The following ELOVL6 variants were observed in gnomAD, a reference collection of about 807,000 sequenced individuals.
ELOVL6 encodes very long chain fatty acid elongase 6.
A neutral mutation model predicts 31.7 loss-of-function variants in ELOVL6; 8 were observed. That is an observed-to-expected ratio of 0.25 (90% CI 0.15 to 0.45). The LOEUF (loss-of-function observed/expected upper bound fraction) is 0.45. ELOVL6 is among the 20% of genes least tolerant of loss of function. The pLI is 1.00. For missense variants in ELOVL6, 126 were observed against 326.4 expected (o/e 0.39, Z 4.73); for synonymous variants, 101 against 117.7 (o/e 0.86, Z 0.92).
At position 110,049,802 on chromosome 4, in the gene ELOVL6, A is replaced by G. The variant is rs1372486284; in HGVS notation, c.*1536T>C. 6.6e-6 allele frequency: 1 copy of G among 151,232 alleles called. No homozygotes were observed. The highest frequency in any genetic ancestry group is 2.4e-5 in the African/African-American group (1 of 40,832). The allele number at this position is 151,232 out of a possible 1,614,324, so 9.4% of individuals were successfully genotyped here. On this transcript the variant is annotated 3_prime_UTR_variant, in exon 4 of 4. Transcript: ENST00000302274. ...ATTATGTCACATTGAACAACTTTAC[A>G]TAATTGCTTCTTTGAAATACTAGAA...
chr4:110,100,136 CTGGCCATATTTATAA>C (rs33983780), intron 2 of ELOVL6, among the ~76,000 whole-genome samples: 26,463 of 152,026 alleles, frequency 0.17, 2,882 homozygotes, highest in East Asian at 0.42. Context: ...TGCCATCATA[CTGGCCATATTTATAA>C]AGATTAATTG....
At chr4:110,086,482 C>T (rs940456000) in intron 2 of ELOVL6, among the ~76,000 whole-genome samples, 4 of 152,172 alleles carry the variant, frequency 2.6e-5, no homozygotes, top group African/African-American at 4.8e-5. Flanking sequence ...CAACTTGTTT[C>T]GTACATTTAT....
intron 1 of ELOVL6, among the ~76,000 whole-genome samples, chr4:110,196,362 A>T (rs115434400): frequency 0.036 from 5,441 of 152,262 alleles, 129 homozygotes; most frequent in Middle Eastern, 0.068. Context: ...ACATGTGCGG[A>T]GAAGACCCGG....
At chr4:110,126,384 G>A (rs972414009) in intron 1 of ELOVL6, among the ~76,000 whole-genome samples, 2 of 152,084 alleles carry the variant, frequency 1.3e-5, no homozygotes, top group Admixed American at 6.6e-5. Context: ...TAAAACAAGG[G>A]AGAGGGGCAA....
At chr4:110,130,181 C>T (rs1448628105) in intron 1 of ELOVL6, among the ~76,000 whole-genome samples, 1 of 152,058 alleles carries the variant, frequency 6.6e-6, no homozygotes, top group Non-Finnish European at 1.5e-5. Flanking sequence ...TAGGCATGAG[C>T]CACCGCGCCT....
intron 1 of ELOVL6, among the ~76,000 whole-genome samples, chr4:110,195,885 G>A (rs940278085): frequency 4.6e-5 from 7 of 152,114 alleles, no homozygotes; most frequent in Admixed American, 2.0e-4. Context: ...AAGAGCTGAT[G>A]GTCTGTAAGT....
intron 1 of ELOVL6, among the ~76,000 whole-genome samples, chr4:110,155,329 T>G: frequency 6.6e-6 from 1 of 152,066 alleles, no homozygotes; most frequent in East Asian, 1.9e-4. Context: ...TATTACATAT[T>G]ATATAGTTAT....
intron 1 of ELOVL6, among the ~76,000 whole-genome samples, chr4:110,192,378 G>C (rs1173608527): frequency 6.6e-6 from 1 of 151,902 alleles, no homozygotes; most frequent in African/African-American, 2.4e-5. Flanking sequence ...CCTCACTAAA[G>C]GAAAAACAAC....
Position 110,198,463 on chromosome 4 carries a change from G to T in ELOVL6, c.-128C>A, listed in dbSNP as rs1456615988. 5.1e-6 allele frequency: 3 copies of T among 590,500 alleles called. No homozygotes were observed. The highest frequency in any genetic ancestry group is 2.2e-5 in the African/African-American group (1 of 45,474). The allele number at this position is 590,500 out of a possible 1,614,324, so 36.6% of individuals were successfully genotyped here. ...CCCCTAGGTCTTCCCCACGCCGCTCGGTCTCCAGCGGTCGTCTCTTCTCCC... is the reference window on the plus strand; with the variant it reads ...CCCCTAGGTCTTCCCCACGCCGCTCTGTCTCCAGCGGTCGTCTCTTCTCCC... On this transcript the variant is annotated 5_prime_UTR_variant, in exon 1 of 4. Coordinates refer to ENST00000302274, the MANE Select transcript of ELOVL6 (RefSeq NM_024090.3).
rs544037740 is a variant in ELOVL6, at chr4:110,155,219, T to G, written c.89+43028A>C. Among the ~76,000 whole-genome samples the G allele has an allele frequency of 2.0e-4, 30 of 152,264 alleles. No homozygotes were observed. The South Asian group carries it at 5.0e-3, about 25-fold the overall frequency. ...CACATAGACCAAAACTTTTACTTCTTAAAAGTTTTTCAATTATAAATTATT... is the reference window on the plus strand; with the variant it reads ...CACATAGACCAAAACTTTTACTTCTGAAAAGTTTTTCAATTATAAATTATT... On this transcript the variant is annotated intron_variant, in intron 1 of 3. Coordinates refer to ENST00000302274, the MANE Select transcript of ELOVL6 (RefSeq NM_024090.3).
intron 1 of ELOVL6, among the ~76,000 whole-genome samples, chr4:110,120,509 C>T (rs1435068265): frequency 6.6e-6 from 1 of 152,124 alleles, no homozygotes; most frequent in Non-Finnish European, 1.5e-5. Context: ...TCACATAGCT[C>T]TCCTATGGGA....
At chr4:110,093,014 A>T (rs1485520459) in intron 2 of ELOVL6, 1 of 397,334 alleles carries the variant, frequency 2.5e-6, no homozygotes, top group African/African-American at 2.1e-5. Flanking sequence ...TAGAATGCTC[A>T]TTTTATATTT....
intron 2 of ELOVL6, among the ~76,000 whole-genome samples, chr4:110,086,308 A>G (rs538828735): frequency 6.6e-6 from 1 of 152,262 alleles, no homozygotes; most frequent in Non-Finnish European, 1.5e-5. Context: ...TTTCATCCCA[A>G]AATAGGGATG....
chr4:110,102,478 A>G, intron 2 of ELOVL6, among the ~76,000 whole-genome samples: 1 of 152,138 alleles, frequency 6.6e-6, no homozygotes, highest in East Asian at 1.9e-4. Context: ...CAACATAGTG[A>G]AACTCCATCT....
chr4:110,140,846 T>A (rs1379636685), intron 1 of ELOVL6, among the ~76,000 whole-genome samples: 1 of 151,916 alleles, frequency 6.6e-6, no homozygotes, highest in Non-Finnish European at 1.5e-5. Flanking sequence ...TTGTGCATAT[T>A]CTTTTATTAC....
chr4:110,132,606 C>T (rs1360389430), intron 1 of ELOVL6, among the ~76,000 whole-genome samples: 2 of 151,856 alleles, frequency 1.3e-5, no homozygotes, highest in Non-Finnish European at 2.9e-5. Flanking sequence ...GTAGACAGAT[C>T]ACTTGAGGTC....
chr4:110,192,400 A>G (rs1318340171), intron 1 of ELOVL6, among the ~76,000 whole-genome samples: 1 of 152,176 alleles, frequency 6.6e-6, no homozygotes, highest in East Asian at 1.9e-4. Context: ...GTGAAATACT[A>G]TGTCTGCATT....
chr4:110,055,323 G>T (rs759579496), intron 3 of ELOVL6, among the ~76,000 whole-genome samples: 3 of 152,134 alleles, frequency 2.0e-5, no homozygotes, highest in Non-Finnish European at 4.4e-5. Context: ...TATTTGAGTT[G>T]GTCAGTCAAT....
At chr4:110,120,165 C>T (rs970538334) in intron 1 of ELOVL6, among the ~76,000 whole-genome samples, 1 of 152,130 alleles carries the variant, frequency 6.6e-6, no homozygotes, top group African/African-American at 2.4e-5. Flanking sequence ...CTTATGCTGG[C>T]ATGCACACAC....
Sources: gnomAD v4.1 joint callset for allele counts (sites outside exome capture counted in the v4.1 genomes callset) on GRCh38, gnomAD v4.1.1 for gene constraint, MANE v1.5 for transcripts, NCBI Gene and HGNC (gene_info 2026-07-23, HGNC 2026-07-21) for gene names.